The following EML1 variants were observed in gnomAD, a reference collection of about 807,000 sequenced individuals.
The protein encoded by EML1 is echinoderm microtubule-associated protein-like 1.
Under a neutral mutation model 110.4 loss-of-function variants are expected in EML1, and 27 were observed. The ratio of observed to expected loss-of-function variants is 0.24; its 90% CI spans 0.18 to 0.34. EML1 has a LOEUF of 0.34. Among genes scored for constraint, EML1 ranks in the 10% least tolerant of loss-of-function variants. The pLI is 1.00. For missense variants in EML1, 741 were observed against 1,030.9 expected (o/e 0.72, Z 3.85); for synonymous variants, 344 against 385.8 (o/e 0.89, Z 1.27).
At chr14:99,915,905 G>T (rs2060026573) in intron 15 of EML1, among the ~76,000 whole-genome samples, 1 of 152,238 alleles carries the variant, frequency 6.6e-6, no homozygotes, top group East Asian at 1.9e-4. Flanking sequence ...TCAAGTTTTG[G>T]CTCCCTTCCC....
intron 1 of EML1, among the ~76,000 whole-genome samples, chr14:99,800,094 A>G (rs1462294090): frequency 2.0e-5 from 3 of 152,318 alleles, no homozygotes; most frequent in Non-Finnish European, 2.9e-5. Flanking sequence ...TTACAAACAA[A>G]AAGTGTGCTG....
intron 7 of EML1, 127 bp downstream of exon 7, chr14:99,897,421 A>C: frequency 1.0e-6 from 1 of 976,370 alleles, no homozygotes; most frequent in Non-Finnish European, 1.4e-6. Flanking sequence ...AAATAAATAA[A>C]TGTGATTCCT....
chr14:99,744,413 C>T (rs1326848539), intron 1 of EML1, among the ~76,000 whole-genome samples: 1 of 152,194 alleles, frequency 6.6e-6, no homozygotes, highest in Non-Finnish European at 1.5e-5. Flanking sequence ...CACCTTGCCA[C>T]AGCCAAAGTT....
intron 5 of EML1, among the ~76,000 whole-genome samples, chr14:99,893,006 G>T (rs2059613855): frequency 7.2e-6 from 1 of 139,442 alleles, no homozygotes; most frequent in Non-Finnish European, 1.5e-5. Flanking sequence ...TAGCCACACA[G>T]CCCCTGATGA....
At chr14:99,832,660 A>G (rs1304640843) in intron 1 of EML1, among the ~76,000 whole-genome samples, 1 of 152,196 alleles carries the variant, frequency 6.6e-6, no homozygotes, top group Non-Finnish European at 1.5e-5. Flanking sequence ...CCATCTGTAT[A>G]TCTTCCTTGG....
intron 10 of EML1, among the ~76,000 whole-genome samples, chr14:99,908,053 C>T (rs762123923): frequency 8.5e-5 from 13 of 152,240 alleles, no homozygotes; most frequent in Non-Finnish European, 1.3e-4. Flanking sequence ...GTGCCTGCCA[C>T]GTGCTCGCAC....
At chr14:99,819,821 G>C (rs1325649752) in intron 1 of EML1, among the ~76,000 whole-genome samples, 6 of 152,226 alleles carry the variant, frequency 3.9e-5, no homozygotes, top group Admixed American at 2.0e-4. Context: ...CACGCAGCCA[G>C]CCTCACTGGG....
At chr14:99,852,815 C>T (rs2058834617) in intron 2 of EML1, among the ~76,000 whole-genome samples, 1 of 152,124 alleles carries the variant, frequency 6.6e-6, no homozygotes, top group Non-Finnish European at 1.5e-5. Context: ...TCACCAGCTT[C>T]GTGTGAGATG....
At position 99,914,306 on chromosome 14, in the gene EML1, T is replaced by A; in HGVS notation, c.1620+2T>A. On this transcript the variant is annotated splice_donor_variant, in intron 14 of 21. Transcript: ENST00000262233. LOFTEE classifies it high-confidence loss of function. ...GGGGACTTCACACCCATTACTCAGG[T>A]ACGATCCCACTCAGCAGGCCCGGCA... is the stretch of plus-strand genomic sequence containing the variant. The A allele has an allele frequency of 6.2e-7, 1 of 1,606,744 alleles. No homozygotes were observed. The highest frequency in any genetic ancestry group is 2.2e-5 in the East Asian group (1 of 44,630).
chr14:99,880,292 G>A (rs893739800), intron 4 of EML1, among the ~76,000 whole-genome samples: 33 of 152,170 alleles, frequency 2.2e-4, no homozygotes, highest in African/African-American at 7.7e-4. Context: ...TCTTGACAGG[G>A]ACCCATAGGA....
intron 2 of EML1, among the ~76,000 whole-genome samples, chr14:99,855,333 C>A (rs1022083407): frequency 6.6e-6 from 1 of 152,086 alleles, no homozygotes; most frequent in Non-Finnish European, 1.5e-5. Flanking sequence ...TCTTAATAAG[C>A]AGAAGAAATT....
At chr14:99,759,322 G>C (rs944241672) in intron 1 of EML1, among the ~76,000 whole-genome samples, 7 of 152,252 alleles carry the variant, frequency 4.6e-5, no homozygotes, top group Non-Finnish European at 8.8e-5. Context: ...AGGGGCTCAA[G>C]GTGAGTTCTG....
intron 1 of EML1, chr14:99,850,372 C>T: frequency 1.6e-6 from 2 of 1,287,334 alleles, no homozygotes. Flanking sequence ...GGGTAGCTTG[C>T]CAAACTCATA....
chr14:99,774,574 G>A (rs1212648677), intron 1 of EML1, among the ~76,000 whole-genome samples: 2 of 152,306 alleles, frequency 1.3e-5, no homozygotes, highest in East Asian at 3.9e-4. Context: ...AGCCCTCCAA[G>A]CCCCTGCTCT....
upstream of EML1, chr14:99,793,244 C>T (rs906103011): frequency 1.2e-5 from 9 of 764,498 alleles, no homozygotes; most frequent in Admixed American, 6.5e-5. Context: ...CCCCTCCCGG[C>T]CCGGGCCCCG....
chr14:99,852,952 AC>A (rs1425129780), intron 2 of EML1, among the ~76,000 whole-genome samples: 1 of 152,162 alleles, frequency 6.6e-6, no homozygotes, highest in Non-Finnish European at 1.5e-5. Context: ...AGTATTCTTG[AC>A]CTACCAGCTT....
chr14:99,831,327 A>G (rs2058448030), intron 1 of EML1, among the ~76,000 whole-genome samples: 1 of 152,174 alleles, frequency 6.6e-6, no homozygotes, highest in Non-Finnish European at 1.5e-5. Context: ...TCTCTGAACT[A>G]TAATGAAAAG....
intron 1 of EML1, among the ~76,000 whole-genome samples, chr14:99,765,263 G>T (rs1026954137): frequency 2.0e-5 from 3 of 151,894 alleles, no homozygotes; most frequent in Non-Finnish European, 4.4e-5. Context: ...CATTTTAAGT[G>T]TACAGTTGAG....
Position 99,939,108 on chromosome 14 carries a change from G to A in EML1, c.2192-89G>A. Reference sequence around the variant, plus strand: ...AAAGCTGGACTTCAGGCAGTTTCATGTTCAGGACCGTTCAGTGGGCGCTTC... The same window carrying A: ...AAAGCTGGACTTCAGGCAGTTTCATATTCAGGACCGTTCAGTGGGCGCTTC... On this transcript the variant is annotated intron_variant, in intron 20 of 21. Transcript: ENST00000262233. The surrounding 1 kb of genome is among the most constrained non-coding windows in gnomAD (Gnocchi z 4.2). The A allele has an allele frequency of 6.4e-7, 1 of 1,552,564 alleles. No individual in the cohort carries two copies. Among genetic ancestry groups the A allele is most frequent in the Non-Finnish European group, 8.7e-7 (1 of 1,151,818 alleles).
Sources: allele counts gnomAD v4.1 joint callset (sites outside exome capture counted in the v4.1 genomes callset), GRCh38; gene constraint gnomAD v4.1.1; non-coding constraint Gnocchi (gnomAD v3.1); transcripts MANE v1.5; gene names NCBI Gene and HGNC (gene_info 2026-07-23, HGNC 2026-07-21).